PTPRG: variants seen among roughly 807,000 people sequenced by gnomAD.
PTPRG encodes protein tyrosine phosphatase receptor type G, also known as receptor-type tyrosine-protein phosphatase gamma.
In PTPRG, 102 loss-of-function variants were observed where a neutral mutation model predicts 165.3. The ratio of observed to expected loss-of-function variants is 0.62; its 90% CI spans 0.53 to 0.73. PTPRG has a LOEUF of 0.73. Among genes scored for constraint, PTPRG ranks in the 30% least tolerant of loss-of-function variants. The pLI is 0.00. For synonymous variants in PTPRG, 675 were observed against 669.5 expected (o/e 1.01, Z -0.13); for missense variants, 1,866 against 1,861.4 (o/e 1.00, Z -0.05).
intron 8 of PTPRG, among the ~76,000 whole-genome samples, chr3:62,185,150 T>C (rs1191920292): frequency 6.6e-6 from 1 of 152,004 alleles, no homozygotes; most frequent in East Asian, 1.9e-4. Flanking sequence ...CCTGGGATCA[T>C]AATTAAAGGT....
At chr3:61,654,256 A>ATC (rs1233575488) in intron 1 of PTPRG, among the ~76,000 whole-genome samples, 3 of 152,158 alleles carry the variant, frequency 2.0e-5, no homozygotes, top group Non-Finnish European at 4.4e-5. Context: ...CATATGCTAG[A>ATC]TAATTGATGT....
intron 2 of PTPRG, among the ~76,000 whole-genome samples, chr3:61,983,969 C>G (rs1296061792): frequency 1.3e-5 from 2 of 152,136 alleles, no homozygotes; most frequent in Non-Finnish European, 2.9e-5. Flanking sequence ...GTTCTTTGGG[C>G]TAACTCTGCC....
chr3:61,678,067 A>G (rs776796463), intron 1 of PTPRG, among the ~76,000 whole-genome samples: 2 of 152,210 alleles, frequency 1.3e-5, no homozygotes, highest in Non-Finnish European at 2.9e-5. Context: ...ATGTTTTATC[A>G]TCATTAGACA....
chr3:61,783,007 T>G (rs756331235), intron 2 of PTPRG, among the ~76,000 whole-genome samples: 2 of 152,020 alleles, frequency 1.3e-5, no homozygotes, highest in Non-Finnish European at 2.9e-5. Context: ...GGACTCACTA[T>G]GTTGTCCAGG....
chr3:62,016,813 A>G (rs1258390972), intron 4 of PTPRG, among the ~76,000 whole-genome samples: 1 of 151,694 alleles, frequency 6.6e-6, no homozygotes, highest in Non-Finnish European at 1.5e-5. Context: ...ATTCACCCCC[A>G]CACTTCTCTC....
chr3:62,013,423 C>A (rs911158399), intron 4 of PTPRG, among the ~76,000 whole-genome samples: 5 of 151,932 alleles, frequency 3.3e-5, no homozygotes, highest in African/African-American at 1.2e-4. Flanking sequence ...CTTCCAACGG[C>A]GGCAACAAAA....
chr3:62,125,555 G>A (rs564501263), intron 5 of PTPRG, among the ~76,000 whole-genome samples: 5 of 152,244 alleles, frequency 3.3e-5, no homozygotes, highest in African/African-American at 9.6e-5. Context: ...AGTGTATGGC[G>A]GGATTATTAA....
chr3:61,797,944 A>T (rs532738623), intron 2 of PTPRG, among the ~76,000 whole-genome samples: 2 of 152,154 alleles, frequency 1.3e-5, no homozygotes, highest in Non-Finnish European at 2.9e-5. Context: ...TGAAATTTTT[A>T]AAAAACCAGG....
intron 29 of PTPRG, among the ~76,000 whole-genome samples, chr3:62,292,921 T>C (rs1231548505): frequency 6.6e-6 from 1 of 152,158 alleles, no homozygotes; most frequent in Non-Finnish European, 1.5e-5. Flanking sequence ...TGATTGTTCA[T>C]TAACAATCAG....
At chr3:62,146,788 G>C (rs191791740) in intron 6 of PTPRG, among the ~76,000 whole-genome samples, 8 of 152,172 alleles carry the variant, frequency 5.3e-5, no homozygotes, top group African/African-American at 9.7e-5. Context: ...AGCATCCGTA[G>C]ACAATGCATA....
At chr3:62,289,915 C>G (rs1225826216) in intron 28 of PTPRG, among the ~76,000 whole-genome samples, 1 of 151,646 alleles carries the variant, frequency 6.6e-6, no homozygotes, top group Non-Finnish European at 1.5e-5. Flanking sequence ...ATAGAAGAAG[C>G]GTAAAAGATA....
In PTPRG at chr3:61,810,994, A is replaced by G. The variant is rs376322524; in HGVS notation, c.190+62012A>G. 1.4e-4 allele frequency among the ~76,000 whole-genome samples: 21 copies of G among 152,288 alleles called. No individual in the cohort carries two copies. In the East Asian group the frequency reaches 3.7e-3, roughly 27 times the overall value. On this transcript the variant is annotated intron_variant, in intron 2 of 29. Coordinates refer to ENST00000474889, the MANE Select transcript of PTPRG (RefSeq NM_002841.4). ...AAGGCTGTCACCAGGAGGGCAGGTT[A>G]GGGTGAATGTGGCAGCCCAGGTGAG...
chr3:62,244,231 C>T (rs1171422512), intron 15 of PTPRG, among the ~76,000 whole-genome samples: 2 of 152,114 alleles, frequency 1.3e-5, no homozygotes, highest in African/African-American at 2.4e-5. Context: ...AGATTCTTTC[C>T]TCTAAAATAA....
chr3:62,012,308 A>G (rs56173475), intron 4 of PTPRG, among the ~76,000 whole-genome samples: 1 of 152,094 alleles, frequency 6.6e-6, no homozygotes, highest in African/African-American at 2.4e-5. Flanking sequence ...TGGTTTTATT[A>G]GGTAAGTAAT....
chr3:61,798,685 G>A (rs2035136894), intron 2 of PTPRG, among the ~76,000 whole-genome samples: 1 of 150,062 alleles, frequency 6.7e-6, no homozygotes, highest in South Asian at 2.1e-4. Context: ...CCTTTGGAAG[G>A]GACCCTTAGT....
rs144116737 is a variant in PTPRG at position 62,053,447 on chromosome 3, A to G, written c.520-24716A>G. On this transcript the variant is annotated intron_variant, in intron 4 of 29. Coordinates refer to ENST00000474889, the MANE Select transcript of PTPRG (RefSeq NM_002841.4). ...ACACCTGGCTAATTTTTGTATTTTT[A>G]GTAGAGACGGGGTTTCTCCATGTTG... Among the ~76,000 whole-genome samples, 656 of 152,062 alleles carry G rather than the reference A, an allele frequency of 4.3e-3. 4 individuals are homozygous for G. Among genetic ancestry groups the G allele is most frequent in the Non-Finnish European group, 7.6e-3 (519 of 67,978 alleles).
At chr3:62,006,598 G>A (rs1440044367) in intron 4 of PTPRG, among the ~76,000 whole-genome samples, 4 of 152,206 alleles carry the variant, frequency 2.6e-5, no homozygotes, top group Non-Finnish European at 5.9e-5. Flanking sequence ...CTTGCATGCA[G>A]TATGTATGAG....
At chr3:61,580,853 T>A (rs1417055735) in intron 1 of PTPRG, among the ~76,000 whole-genome samples, 1 of 152,242 alleles carries the variant, frequency 6.6e-6, no homozygotes, top group Admixed American at 6.5e-5. Context: ...GATATAATTA[T>A]ACCCTTGGTC....
intron 4 of PTPRG, among the ~76,000 whole-genome samples, chr3:62,031,676 T>G (rs116198842): frequency 0.012 from 1,764 of 152,234 alleles, 33 homozygotes; most frequent in African/African-American, 0.041. Flanking sequence ...TACAGCTAAG[T>G]GATGGTGGTT....
Sources: allele counts gnomAD v4.1 joint callset (sites outside exome capture counted in the v4.1 genomes callset), GRCh38; gene constraint gnomAD v4.1.1; transcripts MANE v1.5; gene names NCBI Gene and HGNC (gene_info 2026-07-23, HGNC 2026-07-21).